Variants in TPR observed in about 807,000 individuals in gnomAD.
TPR encodes translocated promoter region, nuclear basket protein.
In TPR, 51 loss-of-function variants were observed where a neutral mutation model predicts 316.1. The ratio of observed to expected loss-of-function variants is 0.16; its 90% confidence interval spans 0.13 to 0.20. TPR has a LOEUF of 0.20. TPR is among the 10% of genes least tolerant of loss of function. The probability of loss-of-function intolerance (pLI) is 1.00; values close to 1 mark genes in which losing one functional copy is unlikely to be tolerated. For missense variants in TPR, 2,272 were observed against 2,754.8 expected (o/e 0.82, Z 3.92); for synonymous variants, 981 against 914.7 (o/e 1.07, Z -1.31).
intron 18 of TPR, among the ~76,000 whole-genome samples, chr1:186,352,370 AT>A (rs1658887015): frequency 6.6e-6 from 1 of 152,232 alleles, no homozygotes; most frequent in African/African-American, 2.4e-5. Flanking sequence ...AGTTTAAAAA[AT>A]AACAGCAAGA....
At chr1:186,320,775 T>C (rs778744349) in intron 45 of TPR, among the ~76,000 whole-genome samples, 2 of 152,198 alleles carry the variant, frequency 1.3e-5, no homozygotes, top group Admixed American at 6.5e-5. Flanking sequence ...AATGAAGTCA[T>C]GAGACAAAGT....
At chr1:186,346,527 C>G (rs901664747) in intron 22 of TPR, among the ~76,000 whole-genome samples, 1 of 152,090 alleles carries the variant, frequency 6.6e-6, no homozygotes, top group Non-Finnish European at 1.5e-5. Flanking sequence ...AATGAAATTT[C>G]CAATCTCTCA....
chr1:186,360,096 T>C (rs1659138666), intron 11 of TPR, 100 bp from the exon 12 acceptor site: 1 of 1,381,340 alleles, frequency 7.2e-7, no homozygotes, highest in Non-Finnish European at 1.0e-6. Flanking sequence ...TAACACAAAA[T>C]GGCAATGTTT....
intron 18 of TPR, among the ~76,000 whole-genome samples, chr1:186,352,512 TG>T (rs1460658062): frequency 6.6e-6 from 1 of 152,222 alleles, no homozygotes; most frequent in Non-Finnish European, 1.5e-5. Flanking sequence ...AAGTGATGAT[TG>T]ATCTATTTAA....
chr1:186,371,948 A>T (rs1659541859), intron 2 of TPR, among the ~76,000 whole-genome samples: 1 of 152,190 alleles, frequency 6.6e-6, no homozygotes, highest in Non-Finnish European at 1.5e-5. Context: ...CAGATCTCGT[A>T]AAAGCTGTAT....
intron 45 of TPR, among the ~76,000 whole-genome samples, chr1:186,321,390 G>A (rs555060757): frequency 2.0e-5 from 3 of 152,252 alleles, no homozygotes; most frequent in South Asian, 4.1e-4. Context: ...ACTTTCACAC[G>A]GAGAGCCTTT....
chr1:186,343,926 T>G lies in TPR; in HGVS notation c.3582A>C (p.Glu1194Asp), dbSNP rs771173272. 3 of 1,613,284 alleles carry G rather than the reference T, an allele frequency of 1.9e-6. No homozygotes were observed. The African/African-American group carries it at 4.0e-5, about 22-fold the overall frequency. The change falls in exon 26 of 51, where the codon GAA (glutamate) becomes GAC (aspartate). Residue 1194 changes from glutamate to aspartate, a missense_variant. Around this residue, in one of 10 missense-constraint regions of TPR, gnomAD observed 757 missense variants for 859.8 expected, o/e 0.88. Coordinates refer to ENST00000367478, the MANE Select transcript of TPR (RefSeq NM_003292.3). The stretch of plus-strand genomic sequence containing the variant: ...TTTACCTGAGAATTTCCAAAATTTG[T>G]TCTTGAGATTTTCCTTCTTCACTGA... Reference protein sequence around the residue: ...VSLSEEGKSQEQILEILRFIR... With the variant: ...VSLSEEGKSQDQILEILRFIR...
intron 17 of TPR, 50 bp downstream of exon 17, chr1:186,355,360 G>A (rs550944283): frequency 8.7e-5 from 134 of 1,547,976 alleles, no homozygotes; most frequent in Non-Finnish European, 1.0e-4. Context: ...GATTTGAATT[G>A]TAAAGTATAA....
intron 39 of TPR, among the ~76,000 whole-genome samples, chr1:186,330,355 G>C (rs979967363): frequency 2.0e-5 from 3 of 152,060 alleles, no homozygotes; most frequent in Admixed American, 2.0e-4. Context: ...TCTGACTGTA[G>C]AGAGCACTGG....
intron 40 of TPR, among the ~76,000 whole-genome samples, chr1:186,327,174 T>TTATATATATA (rs1553227854): frequency 0.062 from 12 of 194 alleles, 1 homozygote; most frequent in South Asian, 0.2. Flanking sequence ...ACATATATAT[T>TTATATATATA]ATATATATAA....
In TPR at chr1:186,375,149, G is replaced by A. The variant is rs1229212563; in HGVS notation, c.-121C>T. ...CCTCTATCACCTCGCTCGGTGGCTCGCGCGCGCCCGCCCGCCGGAGACTCC... is the reference window on the plus strand; with the variant it reads ...CCTCTATCACCTCGCTCGGTGGCTCACGCGCGCCCGCCCGCCGGAGACTCC... On this transcript the variant is annotated 5_prime_UTR_variant, in exon 1 of 51. Transcript: ENST00000367478. The A allele has an allele frequency of 3.2e-6, 5 of 1,545,936 alleles. No homozygotes were observed. The highest frequency in any genetic ancestry group is 4.4e-6 in the Non-Finnish European group (5 of 1,145,326).
chr1:186,352,671 C>T (rs950502891), intron 18 of TPR, among the ~76,000 whole-genome samples: 2 of 152,132 alleles, frequency 1.3e-5, no homozygotes, highest in Non-Finnish European at 2.9e-5. Flanking sequence ...ATTCACTCTA[C>T]CAGTTTGAAA....
intron 24 of TPR, among the ~76,000 whole-genome samples, chr1:186,344,920 A>C (rs1033991079): frequency 2.0e-5 from 3 of 152,128 alleles, no homozygotes; most frequent in East Asian, 3.9e-4. Context: ...AGCAATATAC[A>C]CGTCACATAT....
chr1:186,327,446 C>G lies in TPR; in HGVS notation c.5889+14G>C, dbSNP rs376984605. On this transcript the variant is annotated intron_variant, in intron 40 of 50. Coordinates refer to ENST00000367478, the MANE Select transcript of TPR (RefSeq NM_003292.3). ...ATAGTTTAAAAACACTAGATGATTT[C>G]AAATCAAACTTACCTCATGTTCTCC... is the stretch of plus-strand genomic sequence containing the variant. 66 of 1,606,478 alleles carry G rather than the reference C, an allele frequency of 4.1e-5. 1 individual carries two copies. In the East Asian group the frequency reaches 5.8e-4, roughly 14 times the overall value.
intron 40 of TPR, among the ~76,000 whole-genome samples, 160 bp downstream of exon 40, chr1:186,327,298 TAA>T (rs1658025434): frequency 1.6e-4 from 14 of 88,756 alleles, no homozygotes; most frequent in East Asian, 2.7e-4. Context: ...TATAAATATA[TAA>T]TATATAATAT....
At chr1:186,371,830 C>T (rs1196067982) in intron 2 of TPR, among the ~76,000 whole-genome samples, 2 of 152,124 alleles carry the variant, frequency 1.3e-5, no homozygotes, top group Non-Finnish European at 2.9e-5. Context: ...GCTTTCCAGA[C>T]TTACTGATCC....
At chr1:186,367,155 C>G (rs1036090819) in intron 4 of TPR, among the ~76,000 whole-genome samples, 11 of 149,104 alleles carry the variant, frequency 7.4e-5, no homozygotes, top group African/African-American at 2.7e-4. Flanking sequence ...CAACCTCCGG[C>G]TCCTGGGTTT....
At chr1:186,351,128 A>C (rs935763232) in intron 20 of TPR, among the ~76,000 whole-genome samples, 1 of 152,214 alleles carries the variant, frequency 6.6e-6, no homozygotes, top group African/African-American at 2.4e-5. Context: ...AAGGAATACA[A>C]AAATACTCAG....
At chr1:186,345,523 C>T in intron 24 of TPR, 57 bp downstream of exon 24, 2 of 1,361,584 alleles carry the variant, frequency 1.5e-6, no homozygotes, top group South Asian at 1.2e-5. Flanking sequence ...CATAAATATA[C>T]TTCAAGAATC....
Sources: allele counts gnomAD v4.1 joint callset (sites outside exome capture counted in the v4.1 genomes callset), GRCh38; gene constraint gnomAD v4.1.1; regional missense constraint gnomAD v4.1.1; transcripts MANE v1.5; gene names NCBI Gene and HGNC (gene_info 2026-07-23, HGNC 2026-07-21).